HRH1: variants seen among roughly 807,000 people sequenced by gnomAD.
HRH1 encodes the protein histamine H1 receptor.
A neutral mutation model predicts 10.3 loss-of-function variants in HRH1; 6 were observed. The observed-to-expected ratio is 0.58, with a 90% CI of 0.32 to 1.15. The LOEUF (loss-of-function observed/expected upper bound fraction) is 1.15. Ranked by LOEUF, HRH1 falls within the 50% of genes most tolerant of loss-of-function variation. The pLI is 0.05. For missense variants in HRH1, 514 were observed against 615.3 expected (o/e 0.84, Z 1.74); for synonymous variants, 242 against 236.7 (o/e 1.02, Z -0.21).
intron 1 of HRH1, among the ~76,000 whole-genome samples, chr3:11,172,169 T>C (rs1047961509): frequency 2.6e-5 from 4 of 152,242 alleles, no homozygotes; most frequent in African/African-American, 4.8e-5. Flanking sequence ...TACAGAGCCA[T>C]TGAAGAATTC....
intron 1 of HRH1, among the ~76,000 whole-genome samples, chr3:11,167,797 C>T (rs181144202): frequency 1.6e-4 from 25 of 152,384 alleles, no homozygotes; most frequent in East Asian, 7.7e-4. Context: ...CATGACATCA[C>T]GTGCTCAGCT....
At chr3:11,172,682 A>G (rs996923912) in intron 1 of HRH1, among the ~76,000 whole-genome samples, 44 of 149,142 alleles carry the variant, frequency 3.0e-4, no homozygotes, top group African/African-American at 1.1e-3. Flanking sequence ...CCTTGAAAAT[A>G]CTTTTGTGGC....
chr3:11,181,586 A>G (rs1330402918), intron 1 of HRH1, among the ~76,000 whole-genome samples: 2 of 142,234 alleles, frequency 1.4e-5, no homozygotes, highest in Non-Finnish European at 3.1e-5. Flanking sequence ...TTGACCATTT[A>G]TATATCTTCT....
At chr3:11,249,468 G>A (rs975541231) in intron 1 of HRH1, among the ~76,000 whole-genome samples, 1 of 151,470 alleles carries the variant, frequency 6.6e-6, no homozygotes, top group African/African-American at 2.4e-5. Context: ...GGAGGTGGAG[G>A]AGCAATGAAG....
intron 1 of HRH1, among the ~76,000 whole-genome samples, chr3:11,164,567 A>G (rs1196143984): frequency 1.3e-5 from 2 of 151,498 alleles, no homozygotes; most frequent in Non-Finnish European, 2.9e-5. Flanking sequence ...GCACACAAAG[A>G]TATTTCCTCC....
intron 1 of HRH1, among the ~76,000 whole-genome samples, chr3:11,162,098 C>T (rs1025380803): frequency 1.3e-5 from 2 of 152,330 alleles, no homozygotes; most frequent in Middle Eastern, 3.4e-3. Flanking sequence ...GAGGTGGCCC[C>T]TCCCTGTCCT....
intron 1 of HRH1, among the ~76,000 whole-genome samples, chr3:11,191,735 T>A (rs550537251): frequency 3.9e-5 from 6 of 152,194 alleles, no homozygotes; most frequent in Admixed American, 6.5e-5. Context: ...ACCCTTGTGG[T>A]TTAACTCAGG....
intron 1 of HRH1, among the ~76,000 whole-genome samples, chr3:11,196,294 C>G (rs996744236): frequency 2.0e-5 from 3 of 152,212 alleles, no homozygotes; most frequent in African/African-American, 7.2e-5. Context: ...TTCCTTCATC[C>G]TGGAGCACCC....
chr3:11,162,461 C>T (rs1379393460), intron 1 of HRH1, among the ~76,000 whole-genome samples: 1 of 119,604 alleles, frequency 8.4e-6, no homozygotes, highest in East Asian at 3.0e-4. Flanking sequence ...TTCTGACCCT[C>T]CTGTCCTGAT....
intron 1 of HRH1, among the ~76,000 whole-genome samples, chr3:11,166,373 T>C (rs557477816): frequency 6.6e-6 from 1 of 152,316 alleles, no homozygotes; most frequent in African/African-American, 2.4e-5. Context: ...TATTCTCCAC[T>C]CCACCATTCA....
At chr3:11,215,342 A>G (rs1459654298) in intron 1 of HRH1, among the ~76,000 whole-genome samples, 1 of 152,248 alleles carries the variant, frequency 6.6e-6, no homozygotes, top group Non-Finnish European at 1.5e-5. Flanking sequence ...CTAACTTGGG[A>G]CTAAGGTGAC....
chr3:11,223,556 A>T (rs570078978), intron 1 of HRH1, among the ~76,000 whole-genome samples: 6 of 152,050 alleles, frequency 3.9e-5, no homozygotes, highest in African/African-American at 7.2e-5. Flanking sequence ...CACCCTTTAG[A>T]GTTCCTCCAG....
intron 1 of HRH1, among the ~76,000 whole-genome samples, chr3:11,165,869 C>T (rs1324121989): frequency 3.9e-5 from 6 of 152,178 alleles, no homozygotes; most frequent in Non-Finnish European, 8.8e-5. Flanking sequence ...ATATTGCCCT[C>T]CCGAGTTTTC....
At chr3:11,203,875 C>T (rs1466753155) in intron 1 of HRH1, among the ~76,000 whole-genome samples, 1 of 152,130 alleles carries the variant, frequency 6.6e-6, no homozygotes, top group East Asian at 1.9e-4. Flanking sequence ...CTTATATCCA[C>T]AAAATAACTT....
chr3:11,156,285 C>T (rs1317982551), intron 1 of HRH1, among the ~76,000 whole-genome samples: 1 of 152,130 alleles, frequency 6.6e-6, no homozygotes. Context: ...CAGGTGCTGC[C>T]TGTCCATGAT....
Position 11,262,010 on chromosome 3 carries a change from T to C in HRH1, c.*1509T>C, listed in dbSNP as rs1439966252. The C allele has an allele frequency of 3.0e-5, 5 of 167,162 alleles. No individual in the cohort carries two copies. The highest frequency in any genetic ancestry group is 1.2e-4 in the African/African-American group (5 of 41,548). 10.4% of individuals were successfully genotyped at this position (167,162 alleles called of 1,614,324 possible). ...GGACGCTTTGAAGGAACCAAGTGCA[T>C]TTTTATCTGTGAGTTCTGTTGTGTT... On this transcript the variant is annotated 3_prime_UTR_variant, in exon 2 of 2. Coordinates refer to ENST00000431010, the MANE Select transcript of HRH1 (RefSeq NM_001098212.2).
intron 1 of HRH1, among the ~76,000 whole-genome samples, chr3:11,190,215 A>G (rs1404719786): frequency 6.6e-6 from 1 of 151,690 alleles, no homozygotes; most frequent in East Asian, 2.0e-4. Context: ...GTAAGTACCT[A>G]AAGAACACTG....
intron 1 of HRH1, among the ~76,000 whole-genome samples, chr3:11,221,059 A>G (rs954384552): frequency 1.3e-5 from 2 of 152,120 alleles, no homozygotes; most frequent in African/African-American, 4.8e-5. Context: ...TTTATAAGAA[A>G]ATTTGGTTTA....
Position 11,261,337 on chromosome 3 carries a change from G to A in HRH1, c.*836G>A, listed in dbSNP as rs573821197. The A allele has an allele frequency of 1.8e-5, 3 of 167,208 alleles. No individual in the cohort carries two copies. In the Admixed American group the frequency reaches 2.0e-4, roughly 11 times the overall value. The allele number at this position is 167,208 out of a possible 1,614,324, so 10.4% of individuals were successfully genotyped here. A position where few individuals can be genotyped will look rare whatever the true frequency, so the allele number is the denominator to read the frequency against. Reference sequence around the variant, plus strand: ...AATGGGGGCAGAATGCCATATTTTTGAGGGCTGTACTAGGTTTATCTCATT... The same window carrying A: ...AATGGGGGCAGAATGCCATATTTTTAAGGGCTGTACTAGGTTTATCTCATT... On this transcript the variant is annotated 3_prime_UTR_variant, in exon 2 of 2. Coordinates refer to ENST00000431010, the MANE Select transcript of HRH1 (RefSeq NM_001098212.2).
Sources: allele counts gnomAD v4.1 joint callset (sites outside exome capture counted in the v4.1 genomes callset), GRCh38; gene constraint gnomAD v4.1.1; transcripts MANE v1.5; gene names NCBI Gene and HGNC (gene_info 2026-07-23, HGNC 2026-07-21).